ATXN1: variants seen among roughly 807,000 people sequenced by gnomAD.
ATXN1 encodes the protein ataxin 1, also known as ataxin-1.
A neutral mutation model predicts 56.4 loss-of-function variants in ATXN1; 8 were observed. The observed-to-expected ratio is 0.14, with a 90% confidence interval of 0.08 to 0.26. The LOEUF is 0.26. Among genes scored for constraint, ATXN1 ranks in the 10% least tolerant of loss-of-function variants. The pLI is 1.00. For synonymous variants in ATXN1, 514 were observed against 494.6 expected (o/e 1.04, Z -0.52); for missense variants, 987 against 1,106.5 (o/e 0.89, Z 1.53).
At chr6:16,576,594 T>C (rs1008239357) in intron 4 of ATXN1, among the ~76,000 whole-genome samples, 1 of 152,250 alleles carries the variant, frequency 6.6e-6, no homozygotes, top group Admixed American at 6.5e-5. Flanking sequence ...TGCACTTTAA[T>C]TACAATAGTA....
chr6:16,540,359 GTGCCACCACGCC>G (rs1761689768), intron 4 of ATXN1, among the ~76,000 whole-genome samples: 1 of 152,058 alleles, frequency 6.6e-6, no homozygotes, highest in Non-Finnish European at 1.5e-5. Flanking sequence ...CTACAGGCGC[GTGCCACCACGCC>G]TGGCTAATTT....
chr6:16,408,764 A>G (rs1464432086), intron 6 of ATXN1, among the ~76,000 whole-genome samples: 2 of 152,190 alleles, frequency 1.3e-5, no homozygotes, highest in Non-Finnish European at 2.9e-5. Context: ...TGTTTTTTAG[A>G]GTTGAGGTCT....
At chr6:16,547,531 C>T (rs1391747702) in intron 4 of ATXN1, among the ~76,000 whole-genome samples, 1 of 152,134 alleles carries the variant, frequency 6.6e-6, no homozygotes, top group African/African-American at 2.4e-5. Context: ...AACACAGTAC[C>T]ACAGACTGGG....
chr6:16,400,670 G>A (rs1209579192), intron 6 of ATXN1, among the ~76,000 whole-genome samples: 1 of 152,162 alleles, frequency 6.6e-6, no homozygotes, highest in Admixed American at 6.5e-5. Flanking sequence ...TTTATGATGT[G>A]TCTCTTTCAT....
intron 2 of ATXN1, among the ~76,000 whole-genome samples, chr6:16,676,172 A>G (rs1325626171): frequency 6.6e-6 from 1 of 152,228 alleles, no homozygotes; most frequent in Non-Finnish European, 1.5e-5. Flanking sequence ...TTCGATGAAA[A>G]AAATATATAT....
At chr6:16,400,736 G>A (rs981658533) in intron 6 of ATXN1, among the ~76,000 whole-genome samples, 2 of 152,170 alleles carry the variant, frequency 1.3e-5, no homozygotes, top group Non-Finnish European at 2.9e-5. Context: ...TTCTCAATGA[G>A]CTTACAGTCT....
At chr6:16,345,309 G>C (rs749534218) in intron 6 of ATXN1, among the ~76,000 whole-genome samples, 8 of 152,152 alleles carry the variant, frequency 5.3e-5, no homozygotes, top group Non-Finnish European at 1.2e-4. Context: ...AGATGTTAAA[G>C]ACACTTGCTA....
At chr6:16,311,184 A>G (rs181198138) in intron 7 of ATXN1, among the ~76,000 whole-genome samples, 35 of 152,360 alleles carry the variant, frequency 2.3e-4, no homozygotes, top group African/African-American at 7.5e-4. Context: ...TTTAATGTTC[A>G]TAATAGTATT....
chr6:16,534,060 T>C (rs236929), intron 4 of ATXN1, among the ~76,000 whole-genome samples: 1,808 of 152,174 alleles, frequency 0.012, 21 homozygotes, highest in African/African-American at 0.04. Context: ...AGCCCAACCA[T>C]AAATCCTATG....
intron 6 of ATXN1, among the ~76,000 whole-genome samples, chr6:16,382,050 A>G (rs910416279): frequency 2.0e-5 from 3 of 152,216 alleles, no homozygotes; most frequent in African/African-American, 7.2e-5. Context: ...AAACAAATTA[A>G]TAATTCATTT....
intron 4 of ATXN1, among the ~76,000 whole-genome samples, chr6:16,547,542 G>A (rs975966575): frequency 7.2e-5 from 11 of 152,112 alleles, no homozygotes; most frequent in Admixed American, 3.9e-4. Context: ...ACAGACTGGG[G>A]GGCTTCAACA....
intron 6 of ATXN1, among the ~76,000 whole-genome samples, chr6:16,469,602 GA>G (rs1415715792): frequency 2.0e-5 from 3 of 152,118 alleles, no homozygotes; most frequent in Non-Finnish European, 4.4e-5. Flanking sequence ...GTTCTATCAT[GA>G]AAAAAGGTTC....
At chr6:16,448,234 A>C (rs1561899788) in intron 6 of ATXN1, among the ~76,000 whole-genome samples, 1 of 152,144 alleles carries the variant, frequency 6.6e-6, no homozygotes, top group Non-Finnish European at 1.5e-5. Flanking sequence ...ATCCAGGCAC[A>C]ATCCTGGTCC....
At chr6:16,684,383 G>A (rs898000584) in intron 2 of ATXN1, among the ~76,000 whole-genome samples, 2 of 152,132 alleles carry the variant, frequency 1.3e-5, no homozygotes, top group African/African-American at 4.8e-5. Flanking sequence ...CCTGTGAACT[G>A]ACATTGCCTA....
chr6:16,433,855 G>A (rs924312514), intron 6 of ATXN1, among the ~76,000 whole-genome samples: 6 of 152,186 alleles, frequency 3.9e-5, no homozygotes, highest in Non-Finnish European at 5.9e-5. Flanking sequence ...GCCACGGATC[G>A]GCTCTGTGCC....
At chr6:16,430,243 C>G (rs919806466) in intron 6 of ATXN1, among the ~76,000 whole-genome samples, 2 of 151,604 alleles carry the variant, frequency 1.3e-5, no homozygotes, top group African/African-American at 2.4e-5. Flanking sequence ...CCCCACATCT[C>G]TGATTTGGTC....
At chr6:16,339,268 A>G (rs753046956) in intron 6 of ATXN1, among the ~76,000 whole-genome samples, 1 of 152,212 alleles carries the variant, frequency 6.6e-6, no homozygotes, top group South Asian at 2.1e-4. Context: ...CCAGTCTACA[A>G]CAGAGAACAT....
intron 6 of ATXN1, among the ~76,000 whole-genome samples, chr6:16,474,871 C>CTA (rs1760295683): frequency 6.6e-6 from 1 of 151,998 alleles, no homozygotes; most frequent in Non-Finnish European, 1.5e-5. Context: ...CACACTCTCT[C>CTA]TCTCTTTCTG....
chr6:16,317,469 C>T (rs142973090), intron 7 of ATXN1, among the ~76,000 whole-genome samples: 15 of 152,100 alleles, frequency 9.9e-5, no homozygotes, highest in African/African-American at 2.9e-4. Flanking sequence ...GGATTATAGG[C>T]GCCTGCCACC....
Sources: allele counts gnomAD v4.1 joint callset (sites outside exome capture counted in the v4.1 genomes callset), GRCh38; gene constraint gnomAD v4.1.1; transcripts MANE v1.5; gene names NCBI Gene and HGNC (gene_info 2026-07-23, HGNC 2026-07-21).